Variants in DPYD observed in about 807,000 individuals in gnomAD.
DPYD encodes the protein dihydropyrimidine dehydrogenase.
Under a neutral mutation model 116.2 loss-of-function variants are expected in DPYD, and 109 were observed. That is an observed-to-expected ratio of 0.94 (90% CI 0.80 to 1.10). The LOEUF is 1.10. Ranked by LOEUF, DPYD falls within the 50% of genes least tolerant of loss-of-function variation. DPYD has a pLI of 0.00. For synonymous variants in DPYD, 440 were observed against 432.0 expected (o/e 1.02, Z -0.23); for missense variants, 1,302 against 1,254.5 (o/e 1.04, Z -0.57).
At chr1:97,696,163 A>G (rs917964851) in intron 6 of DPYD, among the ~76,000 whole-genome samples, 9 of 147,780 alleles carry the variant, frequency 6.1e-5, no homozygotes, top group South Asian at 2.2e-4. Context: ...AGAAAAAAAG[A>G]AAAAAAAAAG....
Position 97,079,116 on chromosome 1 carries a change from G to A in DPYD, c.2938C>T (p.Pro980Ser). ...CCTGTACAAGTGTCGGTTATGGTGG[G>A]CAGGTGGGTTTCTGGATCAAACTGT... ...AIQFDPETHL[P>S]TITDTCTGCT... Residue 980 changes from proline to serine, a missense_variant, in exon 23 of 23, where the codon CCC becomes TCC. By Grantham distance (74) the Pro-to-Ser change is moderately conservative. Coordinates refer to ENST00000370192, the MANE Select transcript of DPYD (RefSeq NM_000110.4). 3 of 1,613,632 alleles carry A rather than the reference G, an allele frequency of 1.9e-6. No individual in the cohort carries two copies. Among genetic ancestry groups the A allele is most frequent in the Non-Finnish European group, 2.5e-6 (3 of 1,179,668 alleles).
chr1:97,379,217 G>A (rs1035682449), intron 15 of DPYD, among the ~76,000 whole-genome samples: 1 of 152,166 alleles, frequency 6.6e-6, no homozygotes, highest in Admixed American at 6.6e-5. Context: ...AAAGAAGGCA[G>A]CGGGATCTGG....
chr1:97,106,984 GCT>G (rs1476858744), intron 20 of DPYD, among the ~76,000 whole-genome samples: 1 of 152,054 alleles, frequency 6.6e-6, no homozygotes, highest in Admixed American at 6.6e-5. Context: ...TGTTAAATTG[GCT>G]CTGTTTCTCT....
chr1:97,798,662 T>C (rs1667703751), intron 3 of DPYD, among the ~76,000 whole-genome samples: 1 of 151,990 alleles, frequency 6.6e-6, no homozygotes, highest in Non-Finnish European at 1.5e-5. Context: ...AGGATTGTTA[T>C]TAAGAATAAA....
chr1:97,680,507 T>C (rs938459549), intron 7 of DPYD, among the ~76,000 whole-genome samples: 1 of 152,272 alleles, frequency 6.6e-6, no homozygotes, highest in Middle Eastern at 3.4e-3. Context: ...CATGTGGCCA[T>C]TGATTTGGCA....
At chr1:97,896,121 AT>A (rs1486403433) in intron 1 of DPYD, among the ~76,000 whole-genome samples, 2 of 151,778 alleles carry the variant, frequency 1.3e-5, no homozygotes, top group Non-Finnish European at 2.9e-5. Flanking sequence ...TAGAGTTGGA[AT>A]GGACTCTTAG....
At chr1:97,322,240 A>G (rs975717329) in intron 16 of DPYD, among the ~76,000 whole-genome samples, 1 of 150,352 alleles carries the variant, frequency 6.7e-6, no homozygotes, top group Non-Finnish European at 1.5e-5. Context: ...ATAATAAAAA[A>G]AAATAATAAA....
chr1:97,851,625 G>T (rs1204358235), intron 2 of DPYD, among the ~76,000 whole-genome samples: 2 of 150,986 alleles, frequency 1.3e-5, no homozygotes, highest in African/African-American at 4.9e-5. Context: ...GTCCAAATAT[G>T]ATATTTAACC....
chr1:97,874,081 G>T (rs1438262511), intron 2 of DPYD, among the ~76,000 whole-genome samples: 3 of 151,838 alleles, frequency 2.0e-5, no homozygotes, highest in Non-Finnish European at 1.5e-5. Flanking sequence ...TAAACAGCCT[G>T]GTTCACTATC....
At chr1:97,336,491 G>A (rs1558038906) in intron 16 of DPYD, among the ~76,000 whole-genome samples, 1 of 152,200 alleles carries the variant, frequency 6.6e-6, no homozygotes, top group Admixed American at 6.5e-5. Context: ...GCTCATGCCT[G>A]TGGTTCCAGC....
intron 3 of DPYD, among the ~76,000 whole-genome samples, chr1:97,756,374 G>T (rs950107462): frequency 1.3e-5 from 2 of 152,120 alleles, no homozygotes; most frequent in African/African-American, 4.8e-5. Context: ...AGGCCAATGA[G>T]TCTCCCTTTG....
intron 2 of DPYD, among the ~76,000 whole-genome samples, chr1:97,841,912 C>A (rs2101536621): frequency 6.6e-6 from 1 of 151,840 alleles, no homozygotes; most frequent in East Asian, 1.9e-4. Context: ...ATCTGAAGGG[C>A]TTAAACAGAG....
At position 97,176,868 on chromosome 1, in the gene DPYD, ATGTGTGTGTGTG is replaced by A. The variant is rs10677535; in HGVS notation, c.2622+16189_2622+16200del. 7.4e-3 allele frequency among the ~76,000 whole-genome samples: 1,086 copies of A among 146,674 alleles called. 15 individuals carry two copies. The highest frequency in any genetic ancestry group is 0.026 in the African/African-American group (1,040 of 39,960). On this transcript the variant is annotated intron_variant, in intron 20 of 22. Coordinates refer to ENST00000370192, the MANE Select transcript of DPYD (RefSeq NM_000110.4). ...ATACCAGTATTCAAGGGACAAAAAA[ATGTGTGTGTGTG>A]TGTGTGTGTGTGTGTGTAGGGGGGG...
chr1:97,774,981 G>T, intron 3 of DPYD: 1 of 322,492 alleles, frequency 3.1e-6, no homozygotes. Flanking sequence ...CTGGAGTAGG[G>T]ACAAAAAAAA....
chr1:97,377,644 G>A (rs1671710026), intron 15 of DPYD, among the ~76,000 whole-genome samples: 1 of 152,180 alleles, frequency 6.6e-6, no homozygotes, highest in Admixed American at 6.5e-5. Flanking sequence ...AAACTCTTGT[G>A]CAACATATAC....
chr1:97,720,164 TCACA>T (rs537506379), intron 5 of DPYD: 211 of 703,430 alleles, frequency 3.0e-4, no homozygotes, highest in Middle Eastern at 1.4e-3. Flanking sequence ...TCTCTCTCTC[TCACA>T]CACACACACA....
At chr1:97,473,238 T>G (rs928179566) in intron 13 of DPYD, among the ~76,000 whole-genome samples, 5 of 152,234 alleles carry the variant, frequency 3.3e-5, no homozygotes, top group Admixed American at 3.3e-4. Context: ...TACTTGTCTT[T>G]CTATGTCTGG....
chr1:97,824,175 T>C (rs1232602999), intron 3 of DPYD, among the ~76,000 whole-genome samples: 1 of 152,198 alleles, frequency 6.6e-6, no homozygotes, highest in Non-Finnish European at 1.5e-5. Context: ...GTATAAATTA[T>C]GTCTTTATAA....
chr1:97,885,910 A>C (rs1672462598), intron 1 of DPYD, among the ~76,000 whole-genome samples: 1 of 152,094 alleles, frequency 6.6e-6, no homozygotes, highest in Non-Finnish European at 1.5e-5. Context: ...ATGAAAAATT[A>C]ATTTCAAACC....
Sources: gnomAD v4.1 joint callset for allele counts (sites outside exome capture counted in the v4.1 genomes callset) on GRCh38, gnomAD v4.1.1 for gene constraint, MANE v1.5 for transcripts, NCBI Gene and HGNC (gene_info 2026-07-23, HGNC 2026-07-21) for gene names.